The following CAMTA1 variants were observed in gnomAD, a reference collection of about 807,000 sequenced individuals.
The protein encoded by CAMTA1 is calmodulin binding transcription activator 1, also known as calmodulin-binding transcription activator 1.
In CAMTA1, 27 loss-of-function variants were observed where a neutral mutation model predicts 170.9. The ratio of observed to expected loss-of-function variants is 0.16; its 90% CI spans 0.12 to 0.22. The LOEUF is 0.22. Among genes scored for constraint, CAMTA1 ranks in the 10% least tolerant of loss-of-function variants. The probability of loss-of-function intolerance (pLI) is 1.00; values close to 1 mark genes in which losing one functional copy is unlikely to be tolerated. For synonymous variants in CAMTA1, 833 were observed against 891.5 expected (o/e 0.93, Z 1.17); for missense variants, 1,619 against 2,217.2 (o/e 0.73, Z 5.42).
intron 5 of CAMTA1, among the ~76,000 whole-genome samples, chr1:7,392,460 G>C (rs2088825897): frequency 6.6e-6 from 1 of 151,372 alleles, no homozygotes; most frequent in Non-Finnish European, 1.5e-5. Flanking sequence ...TCTCCATGTT[G>C]GTCAGGCTGG....
intron 12 of CAMTA1, among the ~76,000 whole-genome samples, chr1:7,735,750 T>C (rs2096767395): frequency 6.6e-6 from 1 of 152,020 alleles, no homozygotes; most frequent in Admixed American, 6.6e-5. Context: ...CATGGATGGT[T>C]CTTGGGGGTT....
In CAMTA1 at chr1:6,798,644, C is replaced by T. The variant is rs796847009; in HGVS notation, c.45+13069C>T. Among the ~76,000 whole-genome samples, 159 of 126,744 alleles carry T rather than the reference C, an allele frequency of 1.3e-3. 11 individuals carry two copies. Among genetic ancestry groups the T allele is most frequent in the African/African-American group, 4.3e-3 (137 of 32,178 alleles). 83.1% of individuals were successfully genotyped at this position (126,744 alleles called of 152,430 possible). A position where few individuals can be genotyped will look rare whatever the true frequency, so the allele number is the denominator to read the frequency against. ...TCGCTCTGTCGCCCAGGCCGGACTG[C>T]GGACTGCAGTGGCGCAATCTCGGCT... On this transcript the variant is annotated intron_variant, in intron 1 of 22. Transcript: ENST00000303635.
In CAMTA1 at chr1:7,092,658, C is replaced by G. The variant is rs1202228986; in HGVS notation, c.302+1287C>G. 6.6e-6 allele frequency among the ~76,000 whole-genome samples: 1 copy of G among 152,216 alleles called. No individual in the cohort carries two copies. Among genetic ancestry groups the G allele is most frequent in the Non-Finnish European group, 1.5e-5 (1 of 68,038 alleles). ...AAATCAAATAATTTATATCAGTCAG[C>G]TTTTGCTGTGATAATTCTGTGTAAG... On this transcript the variant is annotated intron_variant, in intron 4 of 22. Transcript: ENST00000303635. This position sits in a 1 kb window ranked among gnomAD's most constrained non-coding sequence, Gnocchi z 5.0.
chr1:7,155,578 G>T (rs1045386172), intron 4 of CAMTA1, among the ~76,000 whole-genome samples: 1 of 151,600 alleles, frequency 6.6e-6, no homozygotes, highest in African/African-American at 2.4e-5. Flanking sequence ...GACCACAGGT[G>T]GGTGCCACCA....
intron 6 of CAMTA1, among the ~76,000 whole-genome samples, chr1:7,475,594 C>A (rs1180576781): frequency 1.3e-5 from 2 of 152,196 alleles, no homozygotes; most frequent in Non-Finnish European, 2.9e-5. Context: ...AGAGTGGGGA[C>A]GTGGCTGATG....
chr1:7,751,030 AGGTGT>A lies in CAMTA1; in HGVS notation c.4690-168_4690-164del, dbSNP rs2096893215. On this transcript the variant is annotated intron_variant, in intron 19 of 22. Transcript: ENST00000303635. ...GTAATATTTTACATTTTGGAAAGGTAGGTGTAAAGATTCCTCATTTGCCTCTTTTG... is the reference window on the plus strand; with the variant it reads ...GTAATATTTTACATTTTGGAAAGGTAAAAGATTCCTCATTTGCCTCTTTTG... 1.5e-5 allele frequency: 11 copies of A among 738,698 alleles called. No homozygotes were observed. In the African/African-American group the frequency reaches 1.7e-4, roughly 12 times the overall value. The allele number at this position is 738,698 out of a possible 1,614,324, so 45.8% of individuals were successfully genotyped here.
intron 4 of CAMTA1, among the ~76,000 whole-genome samples, chr1:7,118,767 G>A: frequency 6.6e-6 from 1 of 152,140 alleles, no homozygotes; most frequent in South Asian, 2.1e-4. Context: ...GGGGAATATG[G>A]TTTGGTGGCA....
rs182085153 is a variant in CAMTA1, at chr1:7,547,424, C to T, written c.510+79523C>T. 5.1e-4 allele frequency among the ~76,000 whole-genome samples: 77 copies of T among 151,662 alleles called. No individual in the cohort carries two copies. Among genetic ancestry groups the T allele is most frequent in the South Asian group, 5.0e-3 (24 of 4,788 alleles). On this transcript the variant is annotated intron_variant, in intron 6 of 22. Transcript: ENST00000303635. The surrounding 1 kb of genome is among the most constrained non-coding windows in gnomAD (Gnocchi z 5.7). ...CTTCCACATTCATGAGTTTCGCATC[C>T]GTGGATTCAACCAACAACGGGCCAA... is the stretch of plus-strand genomic sequence containing the variant.
intron 6 of CAMTA1, among the ~76,000 whole-genome samples, chr1:7,551,905 G>A (rs1211575187): frequency 3.2e-4 from 49 of 152,218 alleles, no homozygotes; most frequent in Non-Finnish European, 5.9e-5. Flanking sequence ...CAGGGAGGGA[G>A]AGTTAAGTAG....
At chr1:7,526,434 G>T (rs1330902409) in intron 6 of CAMTA1, among the ~76,000 whole-genome samples, 1 of 152,158 alleles carries the variant, frequency 6.6e-6, no homozygotes, top group African/African-American at 2.4e-5. Context: ...GCTGGCCATG[G>T]GCCTCCCCTG....
chr1:6,800,148 A>G (rs983170923), intron 1 of CAMTA1, among the ~76,000 whole-genome samples: 12 of 152,186 alleles, frequency 7.9e-5, no homozygotes, highest in East Asian at 1.9e-4. Flanking sequence ...CTCGGTGCCT[A>G]TAATCTAAGC....
chr1:7,497,556 C>T (rs545552266), intron 6 of CAMTA1, among the ~76,000 whole-genome samples: 47 of 152,358 alleles, frequency 3.1e-4, no homozygotes, highest in African/African-American at 1.1e-3. Context: ...TTCACCCACA[C>T]GTTCCTGGTG....
intron 6 of CAMTA1, among the ~76,000 whole-genome samples, chr1:7,469,012 C>T (rs1331034072): frequency 6.6e-6 from 1 of 152,240 alleles, no homozygotes; most frequent in African/African-American, 2.4e-5. Context: ...TCAGCCTAGA[C>T]AGGGCCCTCT....
At chr1:6,945,595 T>G (rs1185787073) in intron 3 of CAMTA1, among the ~76,000 whole-genome samples, 1 of 152,138 alleles carries the variant, frequency 6.6e-6, no homozygotes, top group African/African-American at 2.4e-5. Flanking sequence ...GTGATCCTCC[T>G]GCTTCGCCTC....
chr1:6,930,630 C>G (rs529173730), intron 3 of CAMTA1, among the ~76,000 whole-genome samples: 11 of 152,292 alleles, frequency 7.2e-5, no homozygotes, highest in African/African-American at 2.2e-4. Context: ...TGCTGTACCC[C>G]CCTTTGTCCT....
chr1:7,649,521 G>A (rs1179728875), intron 7 of CAMTA1, among the ~76,000 whole-genome samples: 1 of 152,208 alleles, frequency 6.6e-6, no homozygotes, highest in Non-Finnish European at 1.5e-5. Flanking sequence ...CTTCCAACCT[G>A]GCATGGAGGA....
chr1:7,506,952 A>G (rs1193371033), intron 6 of CAMTA1, among the ~76,000 whole-genome samples: 1 of 151,534 alleles, frequency 6.6e-6, no homozygotes, highest in Non-Finnish European at 1.5e-5. Context: ...ATCAAAATTC[A>G]CACACACTCA....
intron 7 of CAMTA1, among the ~76,000 whole-genome samples, chr1:7,652,536 T>C (rs2095854609): frequency 6.6e-6 from 1 of 152,098 alleles, no homozygotes; most frequent in Non-Finnish European, 1.5e-5. Flanking sequence ...GCCTGGCCCC[T>C]CTGAGACAGC....
chr1:7,383,428 G>A (rs2087579275), intron 5 of CAMTA1, among the ~76,000 whole-genome samples: 4 of 152,166 alleles, frequency 2.6e-5, no homozygotes, highest in Non-Finnish European at 4.4e-5. Flanking sequence ...ATTCAAACCG[G>A]TTAAAACCCT....
Sources: gnomAD v4.1 joint callset for allele counts (sites outside exome capture counted in the v4.1 genomes callset) on GRCh38, gnomAD v4.1.1 for gene constraint, Gnocchi (gnomAD v3.1) non-coding constraint, MANE v1.5 for transcripts, NCBI Gene and HGNC (gene_info 2026-07-23, HGNC 2026-07-21) for gene names.